RABGAP1L: variants seen among roughly 807,000 people sequenced by gnomAD.
RABGAP1L encodes RAB GTPase activating protein 1 like, also known as rab GTPase-activating protein 1-like.
A neutral mutation model predicts 137.7 loss-of-function variants in RABGAP1L; 63 were observed. The ratio of observed to expected loss-of-function variants is 0.46; its 90% CI spans 0.37 to 0.56. RABGAP1L has a LOEUF of 0.56. Among genes scored for constraint, RABGAP1L ranks in the 20% least tolerant of loss-of-function variants. The pLI is 0.00. For missense variants in RABGAP1L, 1,095 were observed against 1,244.0 expected (o/e 0.88, Z 1.80); for synonymous variants, 431 against 433.7 (o/e 0.99, Z 0.08).
chr1:174,394,696 G>A (rs1053765089), intron 13 of RABGAP1L, among the ~76,000 whole-genome samples: 1 of 151,792 alleles, frequency 6.6e-6, no homozygotes, highest in Non-Finnish European at 1.5e-5. Context: ...CACCACCCTA[G>A]GTCTTACCAC....
intron 3 of RABGAP1L, among the ~76,000 whole-genome samples, chr1:174,226,425 C>T (rs183294799): frequency 1.3e-5 from 2 of 152,114 alleles, no homozygotes; most frequent in East Asian, 1.9e-4. Flanking sequence ...GTCCTCCGGT[C>T]GTTGCTTTTT....
chr1:174,221,805 C>A (rs536199996), intron 3 of RABGAP1L, among the ~76,000 whole-genome samples: 63 of 152,252 alleles, frequency 4.1e-4, no homozygotes, highest in Non-Finnish European at 7.8e-4. Flanking sequence ...TACAAAGTAG[C>A]TACCAGCAGA....
intron 13 of RABGAP1L, among the ~76,000 whole-genome samples, chr1:174,584,850 A>C (rs1296732141): frequency 1.3e-5 from 2 of 150,776 alleles, no homozygotes; most frequent in African/African-American, 4.9e-5. Context: ...TTTTTTTTTT[A>C]ATCCCTCCTA....
At position 174,651,456 on chromosome 1, in the gene RABGAP1L, T is replaced by A. The variant is rs192970550; in HGVS notation, c.1824+13968T>A. Reference sequence around the variant, plus strand: ...GGGGTGTTAAAGTCTCCCATTATTATTGTGTGGGAGTCTAAGTCTCTTGGT... The same window carrying A: ...GGGGTGTTAAAGTCTCCCATTATTAATGTGTGGGAGTCTAAGTCTCTTGGT... On this transcript the variant is annotated intron_variant, in intron 14 of 25. Transcript: ENST00000681986. 1.1e-3 allele frequency among the ~76,000 whole-genome samples: 166 copies of A among 151,946 alleles called. 1 individual carries two copies. The highest frequency in any genetic ancestry group is 3.7e-3 in the African/African-American group (155 of 41,444).
chr1:174,694,155 A>G (rs926188537), intron 15 of RABGAP1L, among the ~76,000 whole-genome samples: 8 of 152,132 alleles, frequency 5.3e-5, no homozygotes, highest in African/African-American at 1.9e-4. Flanking sequence ...ATATATGGTT[A>G]CCTGCAAATA....
chr1:174,474,972 CATATT>C (rs1658348301), intron 13 of RABGAP1L, among the ~76,000 whole-genome samples: 1 of 151,878 alleles, frequency 6.6e-6, no homozygotes, highest in South Asian at 2.1e-4. Flanking sequence ...AAAGAAATGA[CATATT>C]ATGTGTTTTA....
intron 19 of RABGAP1L, among the ~76,000 whole-genome samples, chr1:174,823,589 G>A (rs1342158669): frequency 1.3e-5 from 2 of 152,128 alleles, no homozygotes; most frequent in Non-Finnish European, 2.9e-5. Context: ...ATGAAGAGAG[G>A]TTGGTTAATG....
intron 10 of RABGAP1L, among the ~76,000 whole-genome samples, chr1:174,288,519 A>G (rs1333329692): frequency 6.6e-6 from 1 of 152,166 alleles, no homozygotes; most frequent in East Asian, 1.9e-4. Flanking sequence ...AATATATTGA[A>G]TATATTATTC....
intron 19 of RABGAP1L, among the ~76,000 whole-genome samples, chr1:174,929,757 T>TAAATAAAC (rs1484792309): frequency 7.7e-6 from 1 of 130,708 alleles, no homozygotes; most frequent in African/African-American, 2.8e-5. Flanking sequence ...CTACAAAAAA[T>TAAATAAAC]AAATAAATAA....
At chr1:174,711,374 C>T (rs550512325) in intron 17 of RABGAP1L, among the ~76,000 whole-genome samples, 6 of 152,136 alleles carry the variant, frequency 3.9e-5, no homozygotes, top group Admixed American at 6.5e-5. Flanking sequence ...TGAGGGCTGC[C>T]GGCACGCTGT....
chr1:174,684,472 G>A (rs1486392484), intron 15 of RABGAP1L, among the ~76,000 whole-genome samples: 6 of 152,186 alleles, frequency 3.9e-5, no homozygotes, highest in Non-Finnish European at 8.8e-5. Context: ...TACACGGGGA[G>A]TGGTATGACG....
intron 18 of RABGAP1L, among the ~76,000 whole-genome samples, chr1:174,771,349 A>T (rs1686096205): frequency 6.6e-6 from 1 of 152,146 alleles, no homozygotes; most frequent in Non-Finnish European, 1.5e-5. Context: ...GTGTGTGTAT[A>T]TGTGTGTATG....
In RABGAP1L at chr1:174,842,792, C is replaced by T. The variant is rs182806608; in HGVS notation, c.2340+30832C>T. On this transcript the variant is annotated intron_variant, in intron 19 of 25. Transcript: ENST00000681986. ...TGCTTCCACTTGATGTTTTTTCTCTCGTCTCTCAACTAGCATTAACATCCA... is the reference window on the plus strand; with the variant it reads ...TGCTTCCACTTGATGTTTTTTCTCTTGTCTCTCAACTAGCATTAACATCCA... Among the ~76,000 whole-genome samples the T allele has an allele frequency of 6.6e-4, 101 of 152,242 alleles. 3 individuals carry two copies. Among genetic ancestry groups the T allele is most frequent in the African/African-American group, 5.3e-4 (22 of 41,550 alleles).
rs138130654 is a variant in RABGAP1L at position 174,286,141 on chromosome 1, G to T, written c.1323+7362G>T. Among the ~76,000 whole-genome samples, 689 of 152,214 alleles carry T rather than the reference G, an allele frequency of 4.5e-3. 1 individual carries two copies. The highest frequency in any genetic ancestry group is 7.2e-3 in the Admixed American group (110 of 15,290). ...TCCTCAATTTTTTTTGGAGGAATTT[G>T]TGAAGGATTGGCATTAAATGTTTGG... On this transcript the variant is annotated intron_variant, in intron 10 of 25. Coordinates refer to ENST00000681986, the MANE Select transcript of RABGAP1L (RefSeq NM_001366446.1).
intron 19 of RABGAP1L, among the ~76,000 whole-genome samples, chr1:174,855,996 G>A (rs771665614): frequency 1.3e-5 from 2 of 152,184 alleles, no homozygotes; most frequent in Non-Finnish European, 2.9e-5. Flanking sequence ...CTACTTTTTA[G>A]TATTTGAAGT....
chr1:174,732,361 C>A (rs1682556941), intron 17 of RABGAP1L, among the ~76,000 whole-genome samples: 1 of 152,168 alleles, frequency 6.6e-6, no homozygotes, highest in African/African-American at 2.4e-5. Context: ...TTTAGCTTAG[C>A]ATTAGGGCTT....
At chr1:174,756,961 CT>C in intron 18 of RABGAP1L, 1 of 937,916 alleles carries the variant, frequency 1.1e-6, no homozygotes, top group Non-Finnish European at 1.6e-6. Context: ...CTTCATCTTT[CT>C]TTAGCACCAG....
At chr1:174,231,004 T>A (rs998837472) in intron 3 of RABGAP1L, 141 bp from the exon 4 acceptor site, 14 of 602,710 alleles carry the variant, frequency 2.3e-5, no homozygotes, top group African/African-American at 2.2e-4. Flanking sequence ...ATCCTAAAAT[T>A]TTAAAATATA....
At chr1:174,537,652 A>T (rs970684905) in intron 13 of RABGAP1L, among the ~76,000 whole-genome samples, 6 of 152,142 alleles carry the variant, frequency 3.9e-5, no homozygotes, top group African/African-American at 1.4e-4. Context: ...CTATGGAGAG[A>T]GGTGTAGAGT....
Sources: allele counts gnomAD v4.1 joint callset (sites outside exome capture counted in the v4.1 genomes callset), GRCh38; gene constraint gnomAD v4.1.1; transcripts MANE v1.5; gene names NCBI Gene and HGNC (gene_info 2026-07-23, HGNC 2026-07-21).